Variants in ANKRD27 observed in about 807,000 individuals in gnomAD.
The protein encoded by ANKRD27 is ankyrin repeat domain-containing protein 27.
A neutral mutation model predicts 129.7 loss-of-function variants in ANKRD27; 112 were observed. The ratio of observed to expected loss-of-function variants is 0.86; its 90% CI spans 0.74 to 1.01. The LOEUF is 1.01. Among genes scored for constraint, ANKRD27 ranks in the 50% least tolerant of loss-of-function variants. ANKRD27 has a pLI of 0.00. For synonymous variants in ANKRD27, 516 were observed against 511.2 expected (o/e 1.01, Z -0.13); for missense variants, 1,258 against 1,300.5 (o/e 0.97, Z 0.50).
chr19:32,606,534 G>A (rs765175732), intron 23 of ANKRD27, among the ~76,000 whole-genome samples: 4 of 40,764 alleles, frequency 9.8e-5, no homozygotes, highest in Non-Finnish European at 3.4e-4. Flanking sequence ...CATCTGCTGC[G>A]GGGCTGCTCT....
chr19:32,639,367 C>T lies in ANKRD27; in HGVS notation c.1105G>A (p.Ala369Thr). Residue 369 changes from alanine to threonine, a missense_variant, in exon 12 of 29, where the codon GCT becomes ACT. Physicochemically the swap from Ala to Thr is moderately conservative, Grantham distance 58. Transcript: ENST00000306065. ...GGGTGAGATCTTACAGGGGGTTTAGCAGAGAGGCTTCCTTGCCGAATATAT... is the reference window on the plus strand; with the variant it reads ...GGGTGAGATCTTACAGGGGGTTTAGTAGAGAGGCTTCCTTGCCGAATATAT... ...IEYIRQGSLS[A>T]KPPESEGFGD... 6.2e-7 allele frequency: 1 copy of T among 1,614,198 alleles called. No homozygotes were observed. Among genetic ancestry groups the T allele is most frequent in the Non-Finnish European group, 8.5e-7 (1 of 1,180,042 alleles).
intron 1 of ANKRD27, chr19:32,673,247 T>C: frequency 1.0e-6 from 1 of 969,666 alleles, no homozygotes; most frequent in Non-Finnish European, 1.2e-6. Context: ...TGTAAGTCTA[T>C]CCAATGTCAG....
intron 2 of ANKRD27, among the ~76,000 whole-genome samples, chr19:32,653,103 C>T (rs543022196): frequency 6.6e-6 from 1 of 152,274 alleles, no homozygotes; most frequent in African/African-American, 2.4e-5. Flanking sequence ...TTCTGGAATT[C>T]CCTGAAGGCG....
At chr19:32,634,759 A>T (rs1291847141) in intron 12 of ANKRD27, among the ~76,000 whole-genome samples, 2 of 152,116 alleles carry the variant, frequency 1.3e-5, no homozygotes, top group Non-Finnish European at 2.9e-5. Context: ...CCACAAAAAT[A>T]CAAAAATTAG....
At chr19:32,640,976 GC>G (rs533111274) in intron 10 of ANKRD27, among the ~76,000 whole-genome samples, 55 of 152,190 alleles carry the variant, frequency 3.6e-4, no homozygotes, top group African/African-American at 1.3e-3. Flanking sequence ...TTGGCTCACT[GC>G]AAGCTCCGCC....
At chr19:32,625,306 A>G (rs1442615865) in intron 17 of ANKRD27, among the ~76,000 whole-genome samples, 3 of 152,180 alleles carry the variant, frequency 2.0e-5, no homozygotes, top group African/African-American at 7.2e-5. Context: ...AAAATTGAAT[A>G]TGTACACAAG....
chr19:32,612,353 A>G (rs757084641), intron 22 of ANKRD27, among the ~76,000 whole-genome samples: 5 of 152,216 alleles, frequency 3.3e-5, no homozygotes, highest in Non-Finnish European at 7.3e-5. Flanking sequence ...CGAGCAAGGT[A>G]TTTTGTAGAC....
intron 25 of ANKRD27, 144 bp downstream of exon 25, chr19:32,604,119 T>C: frequency 2.3e-6 from 2 of 852,514 alleles, no homozygotes; most frequent in Non-Finnish European, 3.4e-6. Context: ...ACCCACGCTG[T>C]GGACTTCTGG....
rs775959510 is a variant in ANKRD27, at chr19:32,599,966, A to G, written c.2846+6T>C. ...GCACAGAAATCAACTTGAGTTTCATACTCACTTAAACTGACCAGCTGAGTG... is the reference window on the plus strand; with the variant it reads ...GCACAGAAATCAACTTGAGTTTCATGCTCACTTAAACTGACCAGCTGAGTG... On this transcript the variant is annotated splice_donor_region_variant and intron_variant, in intron 27 of 28. Coordinates refer to ENST00000306065, the MANE Select transcript of ANKRD27 (RefSeq NM_032139.3). 5 of 1,608,008 alleles carry G rather than the reference A, an allele frequency of 3.1e-6. No homozygotes were observed. Among genetic ancestry groups the G allele is most frequent in the Middle Eastern group, 1.7e-4 (1 of 6,052 alleles).
At chr19:32,635,280 C>T (rs1026394594) in intron 12 of ANKRD27, among the ~76,000 whole-genome samples, 1 of 152,174 alleles carries the variant, frequency 6.6e-6, no homozygotes, top group African/African-American at 2.4e-5. Flanking sequence ...TGTTTCTTGC[C>T]CTGCAAGAAC....
chr19:32,662,435 G>C (rs1411756558), intron 1 of ANKRD27, among the ~76,000 whole-genome samples: 1 of 151,414 alleles, frequency 6.6e-6, no homozygotes, highest in South Asian at 2.1e-4. Context: ...GTGAGTGTCA[G>C]CTTCAAGAGG....
rs144330858 is a variant in ANKRD27, at chr19:32,605,841, C to T, written c.2487G>A (p.Leu829=). 11 of 1,613,584 alleles carry T rather than the reference C, an allele frequency of 6.8e-6. No homozygotes were observed. The Middle Eastern group carries it at 4.9e-4, about 72-fold the overall frequency. ...SGGHHELVAL[L]LQHGASINAS... is the part of the protein sequence containing the mutation. ...GACAGGAAGGGGCCCTCACCTGTAG[C>T]AGCAGTGCCACAAGCTCGTGATGGC... The change falls in exon 24 of 29, where the codon CTG becomes CTA. Residue 829 remains leucine, a synonymous_variant. Transcript: ENST00000306065.
At chr19:32,662,014 C>G (rs1324153885) in intron 1 of ANKRD27, among the ~76,000 whole-genome samples, 2 of 152,072 alleles carry the variant, frequency 1.3e-5, no homozygotes, top group East Asian at 3.9e-4. Context: ...ACTATTCCCC[C>G]ATCAGAAGAT....
chr19:32,605,992 A>C, intron 23 of ANKRD27, 38 bp from the exon 24 acceptor site: 1 of 1,559,264 alleles, frequency 6.4e-7, no homozygotes, highest in Non-Finnish European at 8.7e-7. Context: ...CTTAATCAAA[A>C]TTTCTGTCAT....
chr19:32,665,169 C>G (rs559786547), intron 1 of ANKRD27, among the ~76,000 whole-genome samples: 2 of 152,210 alleles, frequency 1.3e-5, no homozygotes, highest in African/African-American at 4.8e-5. Context: ...AAGCTCCCCT[C>G]CAGCTTGTTC....
intron 22 of ANKRD27, among the ~76,000 whole-genome samples, chr19:32,611,415 C>T (rs1371308641): frequency 2.0e-5 from 3 of 152,180 alleles, no homozygotes; most frequent in Non-Finnish European, 4.4e-5. Context: ...TCAAAAGGTG[C>T]ACATCCCCAG....
chr19:32,663,025 G>A (rs1188234850), intron 1 of ANKRD27, among the ~76,000 whole-genome samples: 1 of 152,252 alleles, frequency 6.6e-6, no homozygotes, highest in Non-Finnish European at 1.5e-5. Context: ...CTGGGTGACA[G>A]AGTGAGATTC....
In ANKRD27 at chr19:32,619,369, T is replaced by C. The variant is rs1160293291; in HGVS notation, c.1898A>G (p.Gln633Arg). 2.5e-6 allele frequency: 4 copies of C among 1,613,726 alleles called. No individual in the cohort carries two copies. The highest frequency in any genetic ancestry group is 3.4e-6 in the Non-Finnish European group (4 of 1,179,980). The change falls in exon 20 of 29, where the codon CAG (glutamine) becomes CGG (arginine). Residue 633 changes from glutamine to arginine, a missense_variant. Transcript: ENST00000306065. The stretch of plus-strand genomic sequence containing the variant: ...GGAGTCCACGGAGCGCTGCGGGGAC[T>C]GCACAGGGGCCTGCAGCCAAGGAGC... Reference protein sequence around the residue: ...RRQKSSEAPVQSPQRSVDSIS... With the variant: ...RRQKSSEAPVRSPQRSVDSIS...
chr19:32,665,603 G>A (rs933742245), intron 1 of ANKRD27, among the ~76,000 whole-genome samples: 2 of 151,898 alleles, frequency 1.3e-5, no homozygotes, highest in African/African-American at 4.8e-5. Context: ...GGGACTACAG[G>A]CGCCCACCAC....
Sources: gnomAD v4.1 joint callset for allele counts (sites outside exome capture counted in the v4.1 genomes callset) on GRCh38, gnomAD v4.1.1 for gene constraint, MANE v1.5 for transcripts, NCBI Gene and HGNC (gene_info 2026-07-23, HGNC 2026-07-21) for gene names.